Variants in RFX7 observed in about 807,000 individuals in gnomAD.
RFX7 encodes DNA-binding protein RFX7.
RFX7 carries 26 observed loss-of-function variants against 111.8 expected under a neutral mutation model. The observed-to-expected ratio is 0.23, with a 90% CI of 0.17 to 0.32. The LOEUF (loss-of-function observed/expected upper bound fraction) is 0.32. Among genes scored for constraint, RFX7 ranks in the 10% least tolerant of loss-of-function variants. RFX7 has a pLI of 1.00. For synonymous variants in RFX7, 624 were observed against 624.4 expected (o/e 1.00, Z 0.01); for missense variants, 1,573 against 1,772.9 (o/e 0.89, Z 2.02).
rs184310227 is a variant in RFX7, at chr15:56,172,100, G to A, written c.195+7170C>T. On this transcript the variant is annotated intron_variant, in intron 3 of 9. Coordinates refer to ENST00000559447, the MANE Select transcript of RFX7 (RefSeq NM_022841.7). Reference sequence around the variant, plus strand: ...CTGGGGGGATGAGGGGGTAGTGTGTGTATGGAAATGGTCAACAGAGTGAAC... The same window carrying A: ...CTGGGGGGATGAGGGGGTAGTGTGTATATGGAAATGGTCAACAGAGTGAAC... Among the ~76,000 whole-genome samples the A allele has an allele frequency of 2.0e-4, 31 of 152,242 alleles. No individual in the cohort carries two copies. In the East Asian group the frequency reaches 6.0e-3, roughly 29 times the overall value.
In RFX7 at chr15:56,094,512, A is replaced by G. The variant is rs748966572; in HGVS notation, c.3216T>C (p.Val1072=). Residue 1072 remains valine, a synonymous_variant, in exon 10 of 10, where the codon GTT becomes GTC. Transcript: ENST00000559447. ...CATGGCCAGAAACTGATGAATTACC[A>G]ACCCCACTATACCCATTATTCATCC... ...LEWMNNGYSG[V]GNSSVSGHGI... The G allele has an allele frequency of 3.1e-6, 5 of 1,613,954 alleles. No individual in the cohort carries two copies. Among genetic ancestry groups the G allele is most frequent in the Admixed American group, 3.3e-5 (2 of 60,018 alleles).
chr15:56,204,518 G>T (rs16976824), intron 2 of RFX7, among the ~76,000 whole-genome samples: 10,104 of 152,242 alleles, frequency 0.066, 461 homozygotes, highest in Admixed American at 0.11. Context: ...GGGAAAATCA[G>T]TGCCAGAGTA....
intron 5 of RFX7, among the ~76,000 whole-genome samples, chr15:56,122,602 T>A (rs1485683906): frequency 3.3e-5 from 5 of 152,182 alleles, no homozygotes; most frequent in African/African-American, 1.2e-4. Flanking sequence ...CAGCCAGTCT[T>A]TTGTTCTTGC....
At chr15:56,162,969 A>C (rs949559791) in intron 3 of RFX7, among the ~76,000 whole-genome samples, 1 of 152,176 alleles carries the variant, frequency 6.6e-6, no homozygotes, top group Admixed American at 6.5e-5. Flanking sequence ...CCAGTGCCGT[A>C]TCACAAAATA....
chr15:56,238,814 G>T (rs7181011), intron 2 of RFX7, among the ~76,000 whole-genome samples: 2 of 151,862 alleles, frequency 1.3e-5, no homozygotes, highest in African/African-American at 4.8e-5. Context: ...ATGTGCTTCC[G>T]ACTTATTTAT....
At chr15:56,187,595 G>A (rs754680840) in intron 2 of RFX7, among the ~76,000 whole-genome samples, 5 of 152,090 alleles carry the variant, frequency 3.3e-5, no homozygotes, top group Non-Finnish European at 7.4e-5. Context: ...ACAAAGTTTG[G>A]GGTTGCCAAG....
intron 5 of RFX7, among the ~76,000 whole-genome samples, chr15:56,109,711 T>G (rs1403121170): frequency 2.9e-5 from 4 of 140,346 alleles, no homozygotes; most frequent in Non-Finnish European, 3.1e-5. Context: ...CCGTCCGGGA[T>G]GTGAGGAGCG....
At chr15:56,114,429 A>C (rs1954092152) in intron 5 of RFX7, among the ~76,000 whole-genome samples, 1 of 149,768 alleles carries the variant, frequency 6.7e-6, no homozygotes, top group East Asian at 2.0e-4. Flanking sequence ...AAAAAAAAAC[A>C]AACAACAACA....
At chr15:56,102,083 A>T in intron 7 of RFX7, 86 bp downstream of exon 7, 1 of 992,410 alleles carries the variant, frequency 1.0e-6, no homozygotes, top group Non-Finnish European at 1.5e-6. Context: ...CGCTAGGCTT[A>T]ACCAAATGAG....
At chr15:56,117,589 A>C (rs1402865467) in intron 5 of RFX7, among the ~76,000 whole-genome samples, 1 of 152,056 alleles carries the variant, frequency 6.6e-6, no homozygotes, top group Non-Finnish European at 1.5e-5. Flanking sequence ...CCTCCTATCT[A>C]GTTCTAATTT....
intron 3 of RFX7, among the ~76,000 whole-genome samples, chr15:56,147,578 A>AT (rs58457356): frequency 0.068 from 10,132 of 148,070 alleles, 422 homozygotes; most frequent in Admixed American, 0.11. Context: ...AAAAAATCTA[A>AT]TTTTTTTTTT....
At chr15:56,150,436 C>T (rs779292336) in intron 3 of RFX7, among the ~76,000 whole-genome samples, 16 of 152,184 alleles carry the variant, frequency 1.1e-4, no homozygotes, top group South Asian at 4.1e-4. Context: ...GCAGGTGCTC[C>T]GCTGGGTCGC....
chr15:56,239,984 CTTTTTTTTTTTTT>C (rs5812831), intron 2 of RFX7, among the ~76,000 whole-genome samples: 4 of 120,928 alleles, frequency 3.3e-5, no homozygotes, highest in Admixed American at 8.5e-5. Context: ...TTTGGTATTT[CTTTTTTTTTTTTT>C]TTTTTTTTTG....
chr15:56,235,597 C>T (rs1241808054), intron 2 of RFX7, among the ~76,000 whole-genome samples: 2 of 152,142 alleles, frequency 1.3e-5, no homozygotes, highest in African/African-American at 4.8e-5. Flanking sequence ...AGTGACTCTC[C>T]CTCCCCAAGA....
In RFX7 at chr15:56,090,849, T is replaced by C. The variant is rs1266037176; in HGVS notation, c.*2496A>G. The C allele has an allele frequency of 6.6e-6, 1 of 152,632 alleles. No individual in the cohort carries two copies. Among genetic ancestry groups the C allele is most frequent in the East Asian group, 1.9e-4 (1 of 5,206 alleles). 9.5% of individuals were successfully genotyped at this position (152,632 alleles called of 1,614,324 possible). ...CAAAAGTCAGTGCTTATTGCAATTA[T>C]ATGCAAAATTATTTACTTCATGAAG... On this transcript the variant is annotated 3_prime_UTR_variant, in exon 10 of 10. Transcript: ENST00000559447.
Position 56,101,523 on chromosome 15 carries a change from T to A in RFX7, c.647A>T (p.Glu216Val), listed in dbSNP as rs1232916679. 6.2e-7 allele frequency: 1 copy of A among 1,613,750 alleles called. No individual in the cohort carries two copies. The highest frequency in any genetic ancestry group is 8.5e-7 in the Non-Finnish European group (1 of 1,179,766). Residue 216 changes from glutamate (E) to valine (V), a missense_variant, in exon 8 of 10, where the codon GAA (glutamate) becomes GTA (valine). Physicochemically the swap from Glu to Val is moderately radical, Grantham distance 121. Transcript: ENST00000559447. ...ACGGCAAGCAGAAGAGATAACTTCT[T>A]CATCAATATTTTGAAGCTGCCCAGA... ...EPSGQLQNIDEEVISSACRLV... is the reference protein window; with the variant it reads ...EPSGQLQNIDVEVISSACRLV...
chr15:56,156,094 C>T (rs1253911810), intron 3 of RFX7, among the ~76,000 whole-genome samples: 2 of 152,056 alleles, frequency 1.3e-5, no homozygotes, highest in Admixed American at 1.3e-4. Context: ...AGCATTTACT[C>T]AGGAAAGTAT....
chr15:56,088,226 G>A lies in RFX7; in HGVS notation c.*5119C>T, dbSNP rs2041550962. 6.4e-6 allele frequency: 1 copy of A among 156,142 alleles called. No individual in the cohort carries two copies. Among genetic ancestry groups the A allele is most frequent in the Admixed American group, 6.5e-5 (1 of 15,464 alleles). 9.7% of individuals were successfully genotyped at this position (156,142 alleles called of 1,614,324 possible). ...GGTACACTGTGAACACATATCTTAA[G>A]TATAGCATAATGGTATGAAGTGGGA... On this transcript the variant is annotated 3_prime_UTR_variant, in exon 10 of 10. Transcript: ENST00000559447.
chr15:56,197,582 T>C lies in RFX7; in HGVS notation c.162-18279A>G, dbSNP rs1314922104. Among the ~76,000 whole-genome samples the C allele has an allele frequency of 3.3e-5, 5 of 152,238 alleles. No individual in the cohort carries two copies. In the East Asian group the frequency reaches 9.6e-4, roughly 29 times the overall value. ...TCCCTTCCCTTGCACACAAGGCCTA[T>C]GTCTTGTTAACCTGCTTCCTAAGTC... On this transcript the variant is annotated intron_variant, in intron 2 of 9. Transcript: ENST00000559447.
Sources: gnomAD v4.1 joint callset for allele counts (sites outside exome capture counted in the v4.1 genomes callset) on GRCh38, gnomAD v4.1.1 for gene constraint, MANE v1.5 for transcripts, NCBI Gene and HGNC (gene_info 2026-07-23, HGNC 2026-07-21) for gene names.